Variants in ERP44 observed in about 807,000 individuals in gnomAD.
ERP44 encodes the protein endoplasmic reticulum protein 44.
Under a neutral mutation model 53.4 loss-of-function variants are expected in ERP44, and 25 were observed. The observed-to-expected ratio is 0.47, with a 90% CI of 0.34 to 0.65. ERP44 has a LOEUF of 0.65. Ranked by LOEUF, ERP44 falls within the 30% of genes least tolerant of loss-of-function variation. The pLI is 0.01. For synonymous variants in ERP44, 145 were observed against 161.2 expected (o/e 0.90, Z 0.76); for missense variants, 338 against 493.2 (o/e 0.69, Z 2.98).
chr9:99,985,328 G>A lies in ERP44; in HGVS notation c.1017-259C>T, dbSNP rs548317247. On this transcript the variant is annotated intron_variant, in intron 10 of 11. Transcript: ENST00000262455. ...ATTAAGGCACATTATAGTCTATCAA[G>A]ATGCTGTACCCCAAATTAACCATTT... is the stretch of plus-strand genomic sequence containing the variant. Among the ~76,000 whole-genome samples, 3 of 152,188 alleles carry A rather than the reference G, an allele frequency of 2.0e-5. No individual in the cohort carries two copies. In the South Asian group the frequency reaches 6.2e-4, roughly 32 times the overall value.
At chr9:100,030,664 C>T (rs776755384) in intron 4 of ERP44, among the ~76,000 whole-genome samples, 2 of 152,154 alleles carry the variant, frequency 1.3e-5, no homozygotes, top group African/African-American at 2.4e-5. Flanking sequence ...TTGTACTCTT[C>T]GCTGACAGCT....
At chr9:100,042,932 G>A (rs540064113) in intron 4 of ERP44, among the ~76,000 whole-genome samples, 1 of 152,160 alleles carries the variant, frequency 6.6e-6, no homozygotes, top group African/African-American at 2.4e-5. Context: ...GAGGGTCAGG[G>A]AGGGATGGTG....
At chr9:100,015,768 C>T (rs1053481104) in intron 8 of ERP44, among the ~76,000 whole-genome samples, 5 of 152,138 alleles carry the variant, frequency 3.3e-5, no homozygotes, top group African/African-American at 9.7e-5. Context: ...GATATGATTT[C>T]GGGATGAAAC....
At chr9:100,047,340 A>T (rs1268952896) in intron 4 of ERP44, among the ~76,000 whole-genome samples, 1 of 152,222 alleles carries the variant, frequency 6.6e-6, no homozygotes, top group Non-Finnish European at 1.5e-5. Flanking sequence ...AGACTACAGT[A>T]ATCAAAAAGT....
chr9:100,058,071 T>C (rs897217883), intron 2 of ERP44, among the ~76,000 whole-genome samples: 2 of 152,126 alleles, frequency 1.3e-5, no homozygotes, highest in Non-Finnish European at 2.9e-5. Context: ...TCTTTATAAG[T>C]TCACTGTATC....
At chr9:100,047,001 G>C (rs530095702) in intron 4 of ERP44, among the ~76,000 whole-genome samples, 1 of 152,320 alleles carries the variant, frequency 6.6e-6, no homozygotes, top group East Asian at 1.9e-4. Context: ...TGCAATGACA[G>C]TGAAGAAAGG....
intron 4 of ERP44, among the ~76,000 whole-genome samples, chr9:100,046,831 AAAAGTAC>A (rs1825975823): frequency 6.6e-6 from 1 of 152,232 alleles, no homozygotes; most frequent in African/African-American, 2.4e-5. Flanking sequence ...ACTCTGAAAA[AAAAGTAC>A]AAAGTTGAAA....
chr9:100,005,374 G>A (rs1265884277), intron 10 of ERP44, among the ~76,000 whole-genome samples: 2 of 152,108 alleles, frequency 1.3e-5, no homozygotes. Context: ...TTGAGGGCAG[G>A]GACCCAGTCT....
At chr9:100,043,291 A>ATAAAAAAAAAAAAAAAAG (rs1168903331) in intron 4 of ERP44, among the ~76,000 whole-genome samples, 1 of 74,878 alleles carries the variant, frequency 1.3e-5, no homozygotes, top group South Asian at 5.6e-4. Flanking sequence ...AAAAAAAAAA[A>ATAAAAAAAAAAAAAAAAG]GATAAATAAG....
At position 100,002,675 on chromosome 9, in the gene ERP44, C is replaced by T. The variant is rs991499878; in HGVS notation, c.1016+3831G>A. On this transcript the variant is annotated intron_variant, in intron 10 of 11. Transcript: ENST00000262455. Reference sequence around the variant, plus strand: ...TTATATGTTATTTGCTCTTCTCTTGCTGCTTTCAGAATCTTCTCTTGCTGC... The same window carrying T: ...TTATATGTTATTTGCTCTTCTCTTGTTGCTTTCAGAATCTTCTCTTGCTGC... 9.9e-5 allele frequency among the ~76,000 whole-genome samples: 15 copies of T among 152,224 alleles called. No individual in the cohort carries two copies. The South Asian group carries it at 1.9e-3, about 19-fold the overall frequency.
At chr9:100,095,668 C>G (rs1291731181) in intron 1 of ERP44, among the ~76,000 whole-genome samples, 1 of 151,756 alleles carries the variant, frequency 6.6e-6, no homozygotes, top group South Asian at 2.1e-4. Flanking sequence ...TATTGGGCCC[C>G]GATATCATTT....
chr9:100,002,111 C>T (rs1245064858), intron 10 of ERP44, among the ~76,000 whole-genome samples: 2 of 123,324 alleles, frequency 1.6e-5, no homozygotes, highest in Non-Finnish European at 3.3e-5. Context: ...CTATTTTAAG[C>T]TGATAAAAAC....
In ERP44 at chr9:100,016,351, C is replaced by T. The variant is rs1293724045; in HGVS notation, c.733G>A (p.Val245Ile). 2 of 1,611,650 alleles carry T rather than the reference C, an allele frequency of 1.2e-6. No homozygotes were observed. The highest frequency in any genetic ancestry group is 1.7e-6 in the Non-Finnish European group (2 of 1,179,290). Reference sequence around the variant, plus strand: ...CCATTTTCAAATGTTATTTCTCGGACAAGAGGAACACATTTATCTTGAATC... The same window carrying T: ...CCATTTTCAAATGTTATTTCTCGGATAAGAGGAACACATTTATCTTGAATC... ...NWIQDKCVPL[V>I]REITFENGEE... Residue 245 changes from valine to isoleucine, a missense_variant, in exon 8 of 12, where the codon GTC (valine) becomes ATC (isoleucine). Val to Ile is a conservative substitution (Grantham distance 29). Around this residue, in one of 3 missense-constraint regions of ERP44, gnomAD observed 224 missense variants for 301.4 expected, o/e 0.74. Coordinates refer to ENST00000262455, the MANE Select transcript of ERP44 (RefSeq NM_015051.3).
At chr9:100,019,369 C>A (rs1021954011) in intron 6 of ERP44, among the ~76,000 whole-genome samples, 5 of 151,980 alleles carry the variant, frequency 3.3e-5, no homozygotes, top group Non-Finnish European at 5.9e-5. Flanking sequence ...CATGGTGAGA[C>A]CTCAATCGCT....
chr9:100,026,002 A>G (rs1269347785), intron 4 of ERP44, among the ~76,000 whole-genome samples: 3 of 152,230 alleles, frequency 2.0e-5, no homozygotes, highest in Non-Finnish European at 4.4e-5. Context: ...AATGAAGACT[A>G]AAGGAACTGA....
intron 3 of ERP44, among the ~76,000 whole-genome samples, chr9:100,054,252 A>C (rs1826067034): frequency 6.6e-6 from 1 of 152,224 alleles, no homozygotes; most frequent in African/African-American, 2.4e-5. Context: ...AATTGATAGA[A>C]TGGAGGAACT....
In ERP44 at chr9:99,981,341, A is replaced by T. The variant is rs1307488413; in HGVS notation, c.*1271T>A. Reference sequence around the variant, plus strand: ...CATTATAAATATTAATTTTATTTTAAAAGAATTGGAAGATGTTACATATAT... The same window carrying T: ...CATTATAAATATTAATTTTATTTTATAAGAATTGGAAGATGTTACATATAT... On this transcript the variant is annotated 3_prime_UTR_variant, in exon 12 of 12. Coordinates refer to ENST00000262455, the MANE Select transcript of ERP44 (RefSeq NM_015051.3). 1 of 152,660 alleles carries T rather than the reference A, an allele frequency of 6.6e-6. No homozygotes were observed. The highest frequency in any genetic ancestry group is 1.5e-5 in the Non-Finnish European group (1 of 68,040). The allele number at this position is 152,660 out of a possible 1,614,324, so 9.5% of individuals were successfully genotyped here. A position where few individuals can be genotyped will look rare whatever the true frequency, so the allele number is the denominator to read the frequency against.
chr9:99,992,381 T>C (rs1830265266), intron 10 of ERP44, among the ~76,000 whole-genome samples: 1 of 152,096 alleles, frequency 6.6e-6, no homozygotes, highest in African/African-American at 2.4e-5. Context: ...TCAATAAACG[T>C]AATCCATCAC....
intron 10 of ERP44, among the ~76,000 whole-genome samples, chr9:100,005,014 C>A (rs1428600055): frequency 6.6e-6 from 1 of 152,176 alleles, no homozygotes; most frequent in Non-Finnish European, 1.5e-5. Flanking sequence ...TAAAACCTTT[C>A]ATTGGCTCTT....
Sources: gnomAD v4.1 joint callset for allele counts (sites outside exome capture counted in the v4.1 genomes callset) on GRCh38, gnomAD v4.1.1 for gene constraint, gnomAD v4.1.1 regional missense constraint, MANE v1.5 for transcripts, NCBI Gene and HGNC (gene_info 2026-07-23, HGNC 2026-07-21) for gene names.